Variants in USP32 observed in about 807,000 individuals in gnomAD.
USP32 encodes the protein ubiquitin carboxyl-terminal hydrolase 32.
USP32 carries 59 observed loss-of-function variants against 204.8 expected under a neutral mutation model. The observed-to-expected ratio is 0.29, with a 90% CI of 0.23 to 0.36. The LOEUF is 0.36. USP32 is among the 10% of genes least tolerant of loss of function. The pLI, the probability that USP32 is intolerant of heterozygous loss-of-function variation, is 1.00. For synonymous variants in USP32, 517 were observed against 678.4 expected, an observed-to-expected ratio of 0.76 and a Z score of 3.70; for missense variants, 1,160 against 1,946.4, an observed-to-expected ratio of 0.60 and a Z score of 7.60.
In USP32 at chr17:60,421,303, G is replaced by A. The variant is rs527752584; in HGVS notation, c.106+943C>T. ...CGTTTGCTGAACATGCTGGCATAGA[G>A]GACAAGTTAAAAAGTTTCTGGACTC... On this transcript the variant is annotated intron_variant, in intron 1 of 3. Coordinates refer to the USP32 transcript ENST00000588898. 12 of 909,756 alleles carry A rather than the reference G, an allele frequency of 1.3e-5. No homozygotes were observed. The South Asian group carries it at 4.6e-4, about 35-fold the overall frequency. 56.4% of individuals were successfully genotyped at this position (909,756 alleles called of 1,614,324 possible).
At chr17:60,389,777 G>A (rs2089797242) in intron 1 of USP32, among the ~76,000 whole-genome samples, 2 of 151,852 alleles carry the variant, frequency 1.3e-5, no homozygotes, top group Non-Finnish European at 2.9e-5. Flanking sequence ...AGCACTTTGG[G>A]AGGCCGAGGC....
At chr17:60,199,851 C>T (rs2084628500) in intron 26 of USP32, among the ~76,000 whole-genome samples, 3 of 152,214 alleles carry the variant, frequency 2.0e-5, no homozygotes, top group Admixed American at 1.3e-4. Flanking sequence ...CCCATACTTT[C>T]TCAGTTACTA....
Position 60,207,045 on chromosome 17 carries a change from A to G in USP32, c.3013T>C (p.Ser1005Pro). 4.3e-6 allele frequency: 7 copies of G among 1,613,046 alleles called. No homozygotes were observed. Among genetic ancestry groups the G allele is most frequent in the Non-Finnish European group, 5.1e-6 (6 of 1,179,276 alleles). ...CCTGTCTGTGTTGGACTAGAAGCTG[A>G]AATTGGAGACACAGGGACAGGAATT... ...FEIPVPVSPI[S>P]ASSPTQTDFS... is the part of the protein sequence containing the mutation. The change falls in exon 25 of 34, where the codon TCA (serine) becomes CCA (proline). Residue 1005 changes from serine to proline, a missense_variant. Ser to Pro is a moderately conservative substitution (Grantham distance 74). Transcript: ENST00000300896.
At chr17:60,329,066 C>A (rs1422974424) in intron 2 of USP32, among the ~76,000 whole-genome samples, 1 of 152,072 alleles carries the variant, frequency 6.6e-6, no homozygotes, top group African/African-American at 2.4e-5. Flanking sequence ...ACGTTTCTGG[C>A]CAGAAAGGAG....
intron 2 of USP32, among the ~76,000 whole-genome samples, chr17:60,333,183 G>T (rs995442689): frequency 6.6e-6 from 1 of 152,170 alleles, no homozygotes; most frequent in African/African-American, 2.4e-5. Flanking sequence ...CTCCAGAAAA[G>T]CTTTACTAAT....
intron 26 of USP32, among the ~76,000 whole-genome samples, chr17:60,199,124 A>G (rs2145443067): frequency 6.7e-6 from 1 of 149,212 alleles, no homozygotes; most frequent in East Asian, 1.9e-4. Context: ...CAAAAAAAAA[A>G]AGAAATGAAA....
intron 2 of USP32, among the ~76,000 whole-genome samples, chr17:60,322,144 G>A (rs984347638): frequency 8.6e-5 from 13 of 151,890 alleles, no homozygotes; most frequent in Non-Finnish European, 1.8e-4. Context: ...GTTCTTTAAA[G>A]TGAACTGAGT....
At chr17:60,308,235 A>G (rs1207251298) in intron 2 of USP32, among the ~76,000 whole-genome samples, 1 of 152,244 alleles carries the variant, frequency 6.6e-6, no homozygotes, top group East Asian at 1.9e-4. Flanking sequence ...GCTGATAAAT[A>G]CAAGCCACCT....
chr17:60,338,090 A>G (rs941073319), intron 2 of USP32, among the ~76,000 whole-genome samples: 4 of 152,148 alleles, frequency 2.6e-5, no homozygotes, highest in Non-Finnish European at 4.4e-5. Context: ...CTGGGAGGCT[A>G]GGACAGGCAG....
At chr17:60,211,249 T>C (rs1189670200) in intron 20 of USP32, 127 bp downstream of exon 20, 2 of 1,505,150 alleles carry the variant, frequency 1.3e-6, no homozygotes, top group Admixed American at 2.4e-5. Context: ...CCTTGGCCTA[T>C]TTCATATTAA....
At chr17:60,291,915 A>G (rs2087288084) in intron 4 of USP32, among the ~76,000 whole-genome samples, 2 of 151,590 alleles carry the variant, frequency 1.3e-5, no homozygotes, top group Admixed American at 6.6e-5. Flanking sequence ...TCTTCCCATA[A>G]TTGAAAATTT....
At chr17:60,324,283 A>AATATAT (rs138904415) in intron 2 of USP32, among the ~76,000 whole-genome samples, 3,021 of 146,474 alleles carry the variant, frequency 0.021, 124 homozygotes, top group African/African-American at 0.072. Flanking sequence ...CCGTGTTTCA[A>AATATAT]ATATATATAT....
upstream of USP32, chr17:60,392,280 G>A: frequency 2.6e-6 from 1 of 385,590 alleles, no homozygotes; most frequent in South Asian, 2.8e-5. Flanking sequence ...CCCGAGGCCA[G>A]ACACTGTTCC....
upstream of USP32, among the ~76,000 whole-genome samples, chr17:60,394,276 T>G (rs954662708): frequency 6.6e-6 from 1 of 152,206 alleles, no homozygotes. Context: ...GTGAATTTTA[T>G]GAAAGGGCCC....
At chr17:60,330,709 G>A (rs1339413190) in intron 2 of USP32, among the ~76,000 whole-genome samples, 1 of 151,968 alleles carries the variant, frequency 6.6e-6, no homozygotes, top group African/African-American at 2.4e-5. Flanking sequence ...ATCACACCTG[G>A]CTAATATTTG....
At chr17:60,401,302 G>A (rs146035106) in intron 1 of USP32, among the ~76,000 whole-genome samples, 8,718 of 151,558 alleles carry the variant, frequency 0.058, 856 homozygotes, top group African/African-American at 0.2. Context: ...CCAGGGAGGC[G>A]GAGCTTGCAG....
chr17:60,413,283 A>G lies in USP32; in HGVS notation c.106+8963T>C, dbSNP rs545588191. Among the ~76,000 whole-genome samples, 23 of 152,282 alleles carry G rather than the reference A, an allele frequency of 1.5e-4. No homozygotes were observed. In the South Asian group the frequency reaches 4.4e-3, roughly 29 times the overall value. ...GGTCCACTCACCTGGCCCAGCAAAA[A>G]GAATGCTGATGTCAGGATAGCAGTG... is the stretch of plus-strand genomic sequence containing the variant. On this transcript the variant is annotated intron_variant, in intron 1 of 3. Coordinates refer to the USP32 transcript ENST00000588898.
chr17:60,258,660 T>C (rs2086377160), intron 9 of USP32, among the ~76,000 whole-genome samples: 1 of 152,234 alleles, frequency 6.6e-6, no homozygotes, highest in African/African-American at 2.4e-5. Context: ...ATTAAACAGA[T>C]ATCTTCAATT....
intron 2 of USP32, among the ~76,000 whole-genome samples, chr17:60,308,942 G>C (rs946514062): frequency 5.3e-5 from 8 of 151,922 alleles, no homozygotes; most frequent in African/African-American, 1.9e-4. Context: ...TAAAAAACAA[G>C]AAACTAGACT....
Sources: allele counts gnomAD v4.1 joint callset (sites outside exome capture counted in the v4.1 genomes callset), GRCh38; gene constraint gnomAD v4.1.1; transcripts MANE v1.5; gene names NCBI Gene and HGNC (gene_info 2026-07-23, HGNC 2026-07-21).